RSPO2: variants seen among roughly 807,000 people sequenced by gnomAD.
RSPO2 encodes the protein R-spondin-2.
RSPO2 carries 14 observed loss-of-function variants against 30.9 expected under a neutral mutation model. That is an observed-to-expected ratio of 0.45 (90% CI 0.30 to 0.71). The LOEUF is 0.71. Ranked by LOEUF, RSPO2 falls within the 30% of genes least tolerant of loss-of-function variation. RSPO2 has a pLI of 0.08. For missense variants in RSPO2, 264 were observed against 301.9 expected, an observed-to-expected ratio of 0.87 and a Z score of 0.93; for synonymous variants, 107 against 96.4, an observed-to-expected ratio of 1.11 and a Z score of -0.64.
intron 2 of RSPO2, among the ~76,000 whole-genome samples, chr8:108,019,262 G>A (rs988341203): frequency 5.1e-4 from 77 of 152,098 alleles, no homozygotes; most frequent in African/African-American, 1.7e-3. Flanking sequence ...GCTGAGACAC[G>A]AGAATTGCTT....
intron 2 of RSPO2, among the ~76,000 whole-genome samples, chr8:108,072,125 G>A (rs1436727797): frequency 6.6e-6 from 1 of 152,092 alleles, no homozygotes; most frequent in Non-Finnish European, 1.5e-5. Context: ...GGATTGCAGA[G>A]GAGGTCTGCC....
At chr8:108,059,535 A>C (rs1234062177) in intron 2 of RSPO2, among the ~76,000 whole-genome samples, 7 of 151,434 alleles carry the variant, frequency 4.6e-5, no homozygotes, top group Non-Finnish European at 7.4e-5. Flanking sequence ...TCACGCTGCT[A>C]TAAAGACACA....
At chr8:108,059,092 C>A (rs1257640021) in intron 2 of RSPO2, among the ~76,000 whole-genome samples, 4 of 151,614 alleles carry the variant, frequency 2.6e-5, no homozygotes, top group Admixed American at 2.6e-4. Flanking sequence ...ATTTTTGCAA[C>A]CTACTCATCT....
chr8:107,963,146 G>T (rs1813684315), intron 3 of RSPO2, among the ~76,000 whole-genome samples: 1 of 151,474 alleles, frequency 6.6e-6, no homozygotes, highest in Non-Finnish European at 1.5e-5. Flanking sequence ...ATATAAATAT[G>T]ATATGTTCAA....
intron 2 of RSPO2, among the ~76,000 whole-genome samples, chr8:108,046,819 T>A (rs1811920817): frequency 6.6e-6 from 1 of 152,144 alleles, no homozygotes; most frequent in Non-Finnish European, 1.5e-5. Flanking sequence ...TTAAGGGCAA[T>A]TCACAGTACA....
At chr8:108,038,977 T>C (rs1353127434) in intron 2 of RSPO2, among the ~76,000 whole-genome samples, 2 of 152,182 alleles carry the variant, frequency 1.3e-5, no homozygotes, top group Non-Finnish European at 1.5e-5. Flanking sequence ...AGGAAGTTAT[T>C]TGATAAATGC....
At chr8:108,033,054 A>G (rs1242469503) in intron 2 of RSPO2, among the ~76,000 whole-genome samples, 6 of 139,404 alleles carry the variant, frequency 4.3e-5, no homozygotes, top group South Asian at 2.2e-4. Context: ...TGTCTCAAAA[A>G]AAAAAAAAAA....
At chr8:108,060,377 C>T (rs1182832060) in intron 2 of RSPO2, among the ~76,000 whole-genome samples, 1 of 151,698 alleles carries the variant, frequency 6.6e-6, no homozygotes, top group Non-Finnish European at 1.5e-5. Context: ...AGGAGAACTA[C>T]ATGATGAATG....
intron 2 of RSPO2, among the ~76,000 whole-genome samples, chr8:108,030,411 T>G (rs1303768159): frequency 6.6e-6 from 1 of 152,152 alleles, no homozygotes; most frequent in African/African-American, 2.4e-5. Context: ...GTATCTGTAA[T>G]GTATAAGCAG....
At chr8:107,983,298 G>A in intron 3 of RSPO2, 4 of 1,603,770 alleles carry the variant, frequency 2.5e-6, no homozygotes, top group Non-Finnish European at 3.4e-6. Flanking sequence ...AATTGCAAAG[G>A]GATAGCCATA....
intron 5 of RSPO2, among the ~76,000 whole-genome samples, chr8:107,912,835 A>C (rs1811864942): frequency 6.6e-6 from 1 of 152,160 alleles, no homozygotes; most frequent in African/African-American, 2.4e-5. Flanking sequence ...AAAGGCAAGA[A>C]ATATTTTTCT....
At chr8:108,072,590 G>A (rs374153754) in intron 2 of RSPO2, among the ~76,000 whole-genome samples, 22 of 149,266 alleles carry the variant, frequency 1.5e-4, no homozygotes, top group African/African-American at 3.7e-4. Context: ...CGCCCGCCTC[G>A]GCCTCCCAAA....
intron 2 of RSPO2, among the ~76,000 whole-genome samples, chr8:108,078,047 T>C (rs972563174): frequency 6.6e-6 from 1 of 152,110 alleles, no homozygotes; most frequent in Non-Finnish European, 1.5e-5. Flanking sequence ...ACTGGCCAGT[T>C]TGTCTCTAAA....
At chr8:108,034,150 A>G (rs753249752) in intron 2 of RSPO2, among the ~76,000 whole-genome samples, 1 of 152,194 alleles carries the variant, frequency 6.6e-6, no homozygotes, top group Non-Finnish European at 1.5e-5. Context: ...AGAAAGTATT[A>G]GTTCCTTCTA....
chr8:107,921,894 A>G (rs1310269477), intron 5 of RSPO2, among the ~76,000 whole-genome samples: 1 of 152,184 alleles, frequency 6.6e-6, no homozygotes, highest in African/African-American at 2.4e-5. Context: ...GGCTTTTAAT[A>G]AAATTCATTC....
intron 2 of RSPO2, among the ~76,000 whole-genome samples, chr8:108,041,301 G>A (rs1347451933): frequency 2.6e-5 from 4 of 151,442 alleles, no homozygotes; most frequent in Non-Finnish European, 4.4e-5. Context: ...AATATGCTGC[G>A]TTTTAAGGGC....
intron 3 of RSPO2, among the ~76,000 whole-genome samples, chr8:107,982,249 T>TTTTCTTATA (rs1483581128): frequency 6.6e-6 from 1 of 152,160 alleles, no homozygotes; most frequent in Admixed American, 6.5e-5. Context: ...AAGTATATTG[T>TTTTCTTATA]TTTCTTATAC....
intron 3 of RSPO2, among the ~76,000 whole-genome samples, chr8:107,966,452 G>A (rs76286565): frequency 6.6e-6 from 1 of 152,182 alleles, no homozygotes; most frequent in African/African-American, 2.4e-5. Flanking sequence ...AAGACACAGC[G>A]AGCTGGAGAG....
intron 3 of RSPO2, among the ~76,000 whole-genome samples, chr8:107,985,358 G>T (rs987429322): frequency 6.6e-6 from 1 of 152,024 alleles, no homozygotes; most frequent in Non-Finnish European, 1.5e-5. Flanking sequence ...TATATATAAG[G>T]ATATTTTTCA....
Sources: gnomAD v4.1 joint callset for allele counts (sites outside exome capture counted in the v4.1 genomes callset) on GRCh38, gnomAD v4.1.1 for gene constraint, MANE v1.5 for transcripts, NCBI Gene and HGNC (gene_info 2026-07-23, HGNC 2026-07-21) for gene names.